NRXN1: variants seen among roughly 807,000 people sequenced by gnomAD.
The protein encoded by NRXN1 is neurexin-1.
NRXN1 carries 39 observed loss-of-function variants against 150.9 expected under a neutral mutation model. The observed-to-expected ratio is 0.26, with a 90% CI of 0.20 to 0.34. NRXN1 has a LOEUF of 0.34. Among genes scored for constraint, NRXN1 ranks in the 10% least tolerant of loss-of-function variants. The pLI is 1.00. For missense variants in NRXN1, 1,815 were observed against 1,949.9 expected (o/e 0.93, Z 1.30); for synonymous variants, 924 against 757.0 (o/e 1.22, Z -3.62).
At chr2:50,278,295 TA>T in intron 17 of NRXN1, among the ~76,000 whole-genome samples, 1 of 126,654 alleles carries the variant, frequency 7.9e-6, no homozygotes, top group African/African-American at 3.2e-5. Flanking sequence ...AATACATATA[TA>T]ATATATATTT....
chr2:50,611,777 G>A (rs918102319), intron 8 of NRXN1, among the ~76,000 whole-genome samples: 1 of 152,146 alleles, frequency 6.6e-6, no homozygotes, highest in Non-Finnish European at 1.5e-5. Context: ...AAGTGTGCAG[G>A]CTGCCAGAGT....
chr2:50,579,490 A>G, intron 8 of NRXN1, among the ~76,000 whole-genome samples: 1 of 152,130 alleles, frequency 6.6e-6, no homozygotes, highest in South Asian at 2.1e-4. Flanking sequence ...TCTACCAAAA[A>G]CAAGCAAAAT....
chr2:50,483,347 A>G (rs1002447549), intron 15 of NRXN1, among the ~76,000 whole-genome samples: 1 of 152,292 alleles, frequency 6.6e-6, no homozygotes, highest in South Asian at 2.1e-4. Context: ...AGAAAAAACT[A>G]TAAGTATACT....
intron 3 of NRXN1, 45 bp downstream of exon 3, chr2:50,925,893 T>G (rs1429676198): frequency 2.7e-6 from 4 of 1,494,150 alleles, no homozygotes; most frequent in Non-Finnish European, 3.7e-6. Context: ...TACTAAGAAA[T>G]AAAGGACAAA....
rs1440048202 is a variant in NRXN1 at position 50,191,845 on chromosome 2, A to G, written c.3546+44944T>C. Among the ~76,000 whole-genome samples the G allele has an allele frequency of 2.0e-5, 3 of 152,294 alleles. No individual in the cohort carries two copies. In the East Asian group the frequency reaches 5.8e-4, roughly 29 times the overall value. On this transcript the variant is annotated intron_variant, in intron 18 of 22. Coordinates refer to ENST00000401669, the MANE Select transcript of NRXN1 (RefSeq NM_001330078.2). ...GTGCATAACACATTTTAATACATGT[A>G]TTAACTTAATACAGTGTTATTAACT...
chr2:50,155,436 A>T (rs1318993462), intron 18 of NRXN1, among the ~76,000 whole-genome samples: 1 of 151,608 alleles, frequency 6.6e-6, no homozygotes, highest in Non-Finnish European at 1.5e-5. Flanking sequence ...TAAGAAAAAA[A>T]AAAAGAAGAA....
intron 5 of NRXN1, among the ~76,000 whole-genome samples, chr2:50,853,609 T>C (rs1275832770): frequency 6.6e-6 from 1 of 152,094 alleles, no homozygotes; most frequent in Non-Finnish European, 1.5e-5. Context: ...AATCATCACA[T>C]ATTCATATGT....
intron 5 of NRXN1, among the ~76,000 whole-genome samples, chr2:50,920,810 C>G (rs1685918855): frequency 6.6e-6 from 1 of 151,738 alleles, no homozygotes; most frequent in East Asian, 1.9e-4. Context: ...CTGTGATAAC[C>G]TATGTTGTTG....
Position 50,620,023 on chromosome 2 carries a change from T to C in NRXN1, c.1319A>G (p.Glu440Gly), listed in dbSNP as rs773530738. 6.3e-7 allele frequency: 1 copy of C among 1,584,884 alleles called. No homozygotes were observed. The highest frequency in any genetic ancestry group is 8.6e-7 in the Non-Finnish European group (1 of 1,164,436). The change falls in exon 8 of 23, where the codon GAG becomes GGG. Residue 440 changes from glutamate to glycine, a missense_variant and splice_region_variant. Physicochemically the swap from Glu to Gly is moderately conservative, Grantham distance 98 (BLOSUM62 -2). This residue lies in a region of NRXN1 where 638 missense variants were observed against 652.6 expected (regional missense o/e 0.98). Transcript: ENST00000401669. ...GATTCTGATGGCAACGATATTTACC[T>C]CTTTGAGACAGCCCATAAAGTTGTT... is the stretch of plus-strand genomic sequence containing the variant. ...VSNNFMGCLK[E>G]VVYKNNDVRL...
At position 50,956,176 on chromosome 2, in the gene NRXN1, C is replaced by T. The variant is rs192795063; in HGVS notation, c.773-30221G>A. Among the ~76,000 whole-genome samples, 108 of 152,230 alleles carry T rather than the reference C, an allele frequency of 7.1e-4. 1 individual carries two copies. Among genetic ancestry groups the T allele is most frequent in the African/African-American group, 2.5e-3 (105 of 41,540 alleles). Reference sequence around the variant, plus strand: ...AACATATTTTGAGAGAGAGAGATCACATTCACATAATTTTTATTAAAATAT... The same window carrying T: ...AACATATTTTGAGAGAGAGAGATCATATTCACATAATTTTTATTAAAATAT... On this transcript the variant is annotated intron_variant, in intron 2 of 22. Transcript: ENST00000401669.
At chr2:50,103,681 G>A (rs944880925) in intron 18 of NRXN1, among the ~76,000 whole-genome samples, 1 of 152,050 alleles carries the variant, frequency 6.6e-6, no homozygotes, top group Non-Finnish European at 1.5e-5. Context: ...TTTTGAACTT[G>A]AGATAAAAGT....
At chr2:50,694,880 G>A (rs929356826) in intron 5 of NRXN1, among the ~76,000 whole-genome samples, 3 of 152,036 alleles carry the variant, frequency 2.0e-5, no homozygotes, top group Non-Finnish European at 4.4e-5. Flanking sequence ...AATTAATTGC[G>A]GGGTATTCTC....
chr2:50,303,957 G>C (rs2074388021), intron 17 of NRXN1, among the ~76,000 whole-genome samples: 1 of 152,018 alleles, frequency 6.6e-6, no homozygotes, highest in Admixed American at 6.5e-5. Flanking sequence ...TTATAATCTA[G>C]AAAGCCTTTG....
chr2:50,390,462 G>A (rs747718777), intron 17 of NRXN1, among the ~76,000 whole-genome samples: 7 of 152,072 alleles, frequency 4.6e-5, no homozygotes, highest in Non-Finnish European at 8.8e-5. Context: ...TGTGGCTCAC[G>A]CAATGACTTA....
intron 17 of NRXN1, among the ~76,000 whole-genome samples, chr2:50,442,765 G>A (rs1049950509): frequency 1.3e-5 from 2 of 152,146 alleles, no homozygotes; most frequent in African/African-American, 2.4e-5. Context: ...CATGTCCTGT[G>A]AAACATCAAC....
chr2:50,047,915 A>G (rs753310918), intron 21 of NRXN1, among the ~76,000 whole-genome samples: 5 of 152,170 alleles, frequency 3.3e-5, no homozygotes, highest in Non-Finnish European at 5.9e-5. Context: ...GAATGAATGA[A>G]TGGGTATATG....
At chr2:50,306,058 G>A (rs2074583562) in intron 17 of NRXN1, among the ~76,000 whole-genome samples, 1 of 152,148 alleles carries the variant, frequency 6.6e-6, no homozygotes, top group Non-Finnish European at 1.5e-5. Context: ...AGAATGACAG[G>A]TGCTTTGGAA....
chr2:50,449,096 T>G (rs2086727307), intron 17 of NRXN1, among the ~76,000 whole-genome samples: 1 of 152,190 alleles, frequency 6.6e-6, no homozygotes, highest in Non-Finnish European at 1.5e-5. Context: ...AATTCAGACC[T>G]TTTATGGTCA....
chr2:50,097,882 G>A (rs1441694533), intron 18 of NRXN1, among the ~76,000 whole-genome samples: 1 of 151,974 alleles, frequency 6.6e-6, no homozygotes, highest in East Asian at 1.9e-4. Flanking sequence ...CAGGTGATCT[G>A]CCCACCTTGG....
Sources: allele counts gnomAD v4.1 joint callset (sites outside exome capture counted in the v4.1 genomes callset), GRCh38; gene constraint gnomAD v4.1.1; regional missense constraint gnomAD v4.1.1; transcripts MANE v1.5; gene names NCBI Gene and HGNC (gene_info 2026-07-23, HGNC 2026-07-21).